Variants in ARAF observed in about 807,000 individuals in gnomAD.
ARAF encodes the protein serine/threonine-protein kinase A-Raf.
ARAF carries 18 observed loss-of-function variants against 48.0 expected under a neutral mutation model. The ratio of observed to expected loss-of-function variants is 0.37; its 90% CI spans 0.26 to 0.56. The LOEUF (loss-of-function observed/expected upper bound fraction) is 0.56. Among genes scored for constraint, ARAF ranks in the 20% least tolerant of loss-of-function variants. The probability of loss-of-function intolerance (pLI) is 0.77; values close to 1 mark genes in which losing one functional copy is unlikely to be tolerated. For synonymous variants in ARAF, 207 were observed against 220.1 expected (o/e 0.94, Z 0.53); for missense variants, 389 against 543.1 (o/e 0.72, Z 2.82).
Position 47,568,826 on chromosome X carries a change from T to C in ARAF, c.1185T>C (p.His395=), listed in dbSNP as rs779283787. The change falls in exon 11 of 16, where the codon CAT becomes CAC. Residue 395 remains histidine, a synonymous_variant. Transcript: ENST00000377045. ...GCTCCAGCCTCTACCATCACCTGCA[T>C]GTGGCCGACACACGCTTCGACATGG... is the stretch of plus-strand genomic sequence containing the variant. ...CEGSSLYHHL[H]VADTRFDMVQ... 3 of 1,210,872 alleles carry C rather than the reference T, an allele frequency of 2.5e-6. No homozygotes were observed. The South Asian group carries it at 5.3e-5, about 21-fold the overall frequency.
intron 15 of ARAF, 100 bp downstream of exon 15, chrX:47,571,112 TGTG>T (rs1437752747): frequency 1.1e-4 from 22 of 198,248 alleles, no homozygotes; most frequent in Non-Finnish European, 1.5e-4. Flanking sequence ...AGAGGTATAG[TGTG>T]TGTGTGTGTG....
Position 47,565,265 on chromosome X carries a change from G to A in ARAF, c.472G>A (p.Val158Ile). The change falls in exon 6 of 16, where the codon GTC becomes ATC. Residue 158 changes from valine to isoleucine, a missense_variant. By Grantham distance (29) the Val-to-Ile change is conservative. Around this residue, in one of 4 missense-constraint regions of ARAF, gnomAD observed 154 missense variants for 133.6 expected, o/e 1.15. Transcript: ENST00000377045. ...STNRQQFYHS[V>I]QDLSGGSRQH... ...CATGCCCTCAAGGTTCTACCACAGT[G>A]TCCAGGATTTGTCCGGAGGCTCCAG... The A allele has an allele frequency of 1.7e-6, 2 of 1,211,754 alleles. No homozygotes were observed. Among genetic ancestry groups the A allele is most frequent in the South Asian group, 3.5e-5 (2 of 57,004 alleles).
In ARAF at chrX:47,563,715, G is replaced by A. The variant is rs1316542486; in HGVS notation, c.200+386G>A. ...AGATGGAAGATTCTTTCTTACAGTA[G>A]ATCTCAGCAACCTCAGCATATGATT... On this transcript the variant is annotated intron_variant, in intron 3 of 15. Transcript: ENST00000377045. 2.7e-5 allele frequency among the ~76,000 whole-genome samples: 3 copies of A among 112,241 alleles called. No homozygotes were observed. In the Admixed American group the frequency reaches 2.8e-4, roughly 11 times the overall value.
At position 47,567,058 on chromosome X, in the gene ARAF, G is replaced by A. The variant is rs2147906638; in HGVS notation, c.800G>A (p.Arg267Lys). Reference sequence around the variant, plus strand: ...AGCCCAGCCAGCGTGTCCTCGGGGAGGAAGTCCCCACATTCCAAGTCACCA... The same window carrying A: ...AGCCCAGCCAGCGTGTCCTCGGGGAAGAAGTCCCCACATTCCAAGTCACCA... The part of the protein sequence containing the change: ...SPSPASVSSG[R>K]KSPHSKSPAE... The change falls in exon 9 of 16, where the codon AGG (arginine) becomes AAG (lysine). Residue 267 changes from arginine (R) to lysine (K), a missense_variant. Physicochemically the swap from Arg to Lys is conservative, Grantham distance 26 (BLOSUM62 2). Around this residue, in one of 4 missense-constraint regions of ARAF, gnomAD observed 154 missense variants for 133.6 expected, o/e 1.15. Coordinates refer to ENST00000377045, the MANE Select transcript of ARAF (RefSeq NM_001654.5). The A allele has an allele frequency of 1.6e-6, 2 of 1,212,192 alleles. No individual in the cohort carries two copies. The highest frequency in any genetic ancestry group is 2.2e-6 in the Non-Finnish European group (2 of 895,626).
intron 14 of ARAF, chrX:47,570,342 C>T (rs370983141): frequency 4.7e-6 from 1 of 214,785 alleles, no homozygotes; most frequent in East Asian, 8.5e-5. Context: ...TATCCCTAGA[C>T]GCCTATAGTC....
At chrX:47,566,820 G>A in intron 7 of ARAF, 40 bp downstream of exon 7, 1 of 1,211,895 alleles carries the variant, frequency 8.3e-7, no homozygotes, top group Non-Finnish European at 1.1e-6. Flanking sequence ...CCACAGGGCA[G>A]AGGGTAGAGC....
Position 47,569,048 on chromosome X carries a change from C to T in ARAF, c.1300+15C>T. On this transcript the variant is annotated intron_variant, in intron 12 of 15. Transcript: ENST00000377045. ...CAAGTCTAACAGTATCTATCTGTCC[C>T]TGGGCTGGGGTTGAGTGGGGGTGTC... is the stretch of plus-strand genomic sequence containing the variant. 8.4e-7 allele frequency: 1 copy of T among 1,193,012 alleles called. No individual in the cohort carries two copies. Among genetic ancestry groups the T allele is most frequent in the Non-Finnish European group, 1.1e-6 (1 of 885,794 alleles).
chrX:47,571,890 G>C lies in ARAF; in HGVS notation c.*433G>C, dbSNP rs1274516774. 5.4e-6 allele frequency: 1 copy of C among 186,505 alleles called. No individual in the cohort carries two copies. The highest frequency in any genetic ancestry group is 9.9e-6 in the Non-Finnish European group (1 of 100,988). The allele number at this position is 186,505 out of a possible 1,213,427, so 15.4% of individuals were successfully genotyped here. ...GACTCCTCTCTTTCTTCACCAAGAA[G>C]CACAGAATTCTGCTGGGCCTTTGCT... On this transcript the variant is annotated 3_prime_UTR_variant, in exon 16 of 16. Transcript: ENST00000377045.
At chrX:47,570,217 A>G (rs748950252) in intron 14 of ARAF, 193 bp downstream of exon 14, 46 of 459,213 alleles carry the variant, frequency 1.0e-4, no homozygotes, top group African/African-American at 2.0e-4. Flanking sequence ...CCCTACCCCA[A>G]CTTCCCTCTT....
At chrX:47,569,441 A>G (rs1458448453) in intron 12 of ARAF, 98 bp from the exon 13 acceptor site, 1 of 690,126 alleles carries the variant, frequency 1.4e-6, no homozygotes, top group Admixed American at 2.7e-5. Flanking sequence ...GGTCAGGATC[A>G]GAGGGATGAG....
chrX:47,569,958 C>T lies in ARAF; in HGVS notation c.1485C>T (p.Tyr495=), dbSNP rs747994720. The T allele has an allele frequency of 7.5e-6, 9 of 1,202,825 alleles. No individual in the cohort carries two copies. The highest frequency in any genetic ancestry group is 3.0e-5 in the East Asian group (1 of 33,440). ...PYSFQSDVYA[Y]GVVLYELMTG... is the part of the protein sequence containing the mutation. ...GCTTCCAGTCAGACGTCTATGCCTA[C>T]GGGGTTGTGCTCTACGAGCTTATGA... Residue 495 remains tyrosine, a synonymous_variant, in exon 14 of 16, where the codon TAC becomes TAT. Transcript: ENST00000377045.
At chrX:47,563,655 AGCAT>A (rs1343221050) in intron 3 of ARAF, among the ~76,000 whole-genome samples, 2 of 112,725 alleles carry the variant, frequency 1.8e-5, no homozygotes, top group African/African-American at 6.5e-5. Flanking sequence ...CATCAAAACT[AGCAT>A]GAATTTATTT....
chrX:47,569,356 G>A, intron 12 of ARAF, 183 bp from the exon 13 acceptor site: 2 of 478,574 alleles, frequency 4.2e-6, no homozygotes, highest in East Asian at 3.7e-5. Flanking sequence ...GCGGGGCTGA[G>A]TGTGGGGGGC....
intron 15 of ARAF, 83 bp downstream of exon 15, chrX:47,571,095 A>T: frequency 9.1e-7 from 1 of 1,093,480 alleles, no homozygotes; most frequent in Non-Finnish European, 1.2e-6. Context: ...TGTGAATATG[A>T]AAGCTCAGAG....
chrX:47,563,212 GCACATA>G lies in ARAF; in HGVS notation c.97-9_97-4del. 3.3e-6 allele frequency: 4 copies of G among 1,203,751 alleles called. No individual in the cohort carries two copies. The highest frequency in any genetic ancestry group is 4.5e-6 in the Non-Finnish European group (4 of 889,455). On this transcript the variant is annotated splice_polypyrimidine_tract_variant and splice_region_variant and intron_variant, in intron 2 of 15. Coordinates refer to ENST00000377045, the MANE Select transcript of ARAF (RefSeq NM_001654.5). ...TTGGGCATTGAGGACCCCTACATCTGCACATACACACAGGTGACTGTCCGGGATGGC... is the reference window on the plus strand; with the variant it reads ...TTGGGCATTGAGGACCCCTACATCTGCACACAGGTGACTGTCCGGGATGGC...
chrX:47,562,367 TC>T (rs2057713122), intron 1 of ARAF, among the ~76,000 whole-genome samples: 2 of 108,325 alleles, frequency 1.8e-5, no homozygotes, highest in African/African-American at 6.7e-5. Context: ...CGCCTGTAGT[TC>T]CAGCTACTCA....
Position 47,571,728 on chromosome X carries a change from G to T in ARAF, c.*271G>T. On this transcript the variant is annotated 3_prime_UTR_variant, in exon 16 of 16. Transcript: ENST00000377045. ...TTTGGGAGCTCCTCCATCTCCAATG[G>T]CTGGGATTTGTGGCAGGGATTCCAC... 1 of 335,714 alleles carries T rather than the reference G, an allele frequency of 3.0e-6. No homozygotes were observed. The highest frequency in any genetic ancestry group is 5.5e-5 in the Admixed American group (1 of 18,049). The allele number at this position is 335,714 out of a possible 1,213,427, so 27.7% of individuals were successfully genotyped here.
chrX:47,564,785 T>C lies in ARAF; in HGVS notation c.201-12T>C. 1 of 1,183,949 alleles carries C rather than the reference T, an allele frequency of 8.4e-7. No individual in the cohort carries two copies. The highest frequency in any genetic ancestry group is 1.8e-5 in the South Asian group (1 of 54,423). On this transcript the variant is annotated splice_polypyrimidine_tract_variant and intron_variant, in intron 3 of 15. Coordinates refer to ENST00000377045, the MANE Select transcript of ARAF (RefSeq NM_001654.5). ...CCAACCTCCCACTCATTCCTTTCCA[T>C]GCCCCCTGCAGACGAAAGACGGTCA...
Position 47,563,013 on chromosome X carries a change from C to G in ARAF, c.46C>G (p.Arg16Gly). 1 of 1,198,163 alleles carries G rather than the reference C, an allele frequency of 8.3e-7. No individual in the cohort carries two copies. Among genetic ancestry groups the G allele is most frequent in the Non-Finnish European group, 1.1e-6 (1 of 888,641 alleles). ...GPPANGAEPS[R>G]AVGTVKVYLP... is the part of the protein sequence containing the mutation. ...CCCTGCCAATGGGGCCGAGCCATCC[C>G]GGGCAGTGGGCACCGTCAAAGTATA... The change falls in exon 2 of 16, where the codon CGG becomes GGG. Residue 16 changes from arginine (R) to glycine (G), a missense_variant. Transcript: ENST00000377045.
Sources: allele counts gnomAD v4.1 joint callset (sites outside exome capture counted in the v4.1 genomes callset), GRCh38; gene constraint gnomAD v4.1.1; regional missense constraint gnomAD v4.1.1; transcripts MANE v1.5; gene names NCBI Gene and HGNC (gene_info 2026-07-23, HGNC 2026-07-21).